Variants in CAST observed in about 807,000 individuals in gnomAD.
CAST encodes MIR583 host.
CAST carries 76 observed loss-of-function variants against 119.6 expected under a neutral mutation model. The observed-to-expected ratio is 0.64, with a 90% confidence interval of 0.53 to 0.77. CAST has a LOEUF of 0.77. Ranked by LOEUF, CAST falls within the 30% of genes least tolerant of loss-of-function variation. CAST has a pLI of 0.00. For missense variants in CAST, 953 were observed against 946.5 expected (o/e 1.01, Z -0.09); for synonymous variants, 319 against 331.6 (o/e 0.96, Z 0.41).
the CAST span, among the ~76,000 whole-genome samples, chr5:96,487,531 T>C: frequency 4.6e-5 from 7 of 152,210 alleles, no homozygotes; most frequent in African/African-American, 1.7e-4. Context: ...AGTGAGTTGG[T>C]CCATGAGACA....
chr5:96,254,369 A>G, the CAST span, among the ~76,000 whole-genome samples: 26 of 152,160 alleles, frequency 1.7e-4, no homozygotes, highest in Middle Eastern at 3.2e-3. Flanking sequence ...TAAAGGTCTT[A>G]ATCTAAAGAC....
At chr5:96,561,803 T>TGTTTTTTTTTTG (rs1358211044) in intron 1 of CAST, among the ~76,000 whole-genome samples, 1 of 104,722 alleles carries the variant, frequency 9.5e-6, no homozygotes, top group Non-Finnish European at 2.0e-5. Context: ...TTTGTTTTTT[T>TGTTTTTTTTTTG]TTTTTTTGAG....
chr5:96,401,086 CAAAAAAAAAAAAAAA>C, the CAST span, among the ~76,000 whole-genome samples: 1 of 70,546 alleles, frequency 1.4e-5, no homozygotes, highest in African/African-American at 5.9e-5. Context: ...GACTCCGTCT[CAAAAAAAAAAAAAAA>C]AAAAAAAAAA....
At position 96,773,266 on chromosome 5, in the gene CAST, A is replaced by C. The variant is rs1195605154; in HGVS notation, c.*650A>C. The C allele has an allele frequency of 6.5e-6, 1 of 153,482 alleles. No individual in the cohort carries two copies. The highest frequency in any genetic ancestry group is 1.5e-5 in the Non-Finnish European group (1 of 68,028). 9.5% of individuals were successfully genotyped at this position (153,482 alleles called of 1,614,324 possible). A position where few individuals can be genotyped will look rare whatever the true frequency, so the allele number is the denominator to read the frequency against. On this transcript the variant is annotated 3_prime_UTR_variant, in exon 32 of 32. Transcript: ENST00000675179. ...TTTTCAGTTTGAACTCTTCTTTGCC[A>C]GGTGTGAGGACTTCTGCATCTTACA...
chr5:96,730,641 A>C lies in CAST; in HGVS notation c.550-139A>C. ...TGGTGCTTAGCACTGCACCATGTAC[A>C]ATAGAAGTGAGCAAACATTCCCTTA... On this transcript the variant is annotated intron_variant, in intron 8 of 31. Coordinates refer to ENST00000675179, the MANE Select transcript of CAST (RefSeq NM_001750.7). 4.4e-6 allele frequency: 3 copies of C among 675,182 alleles called. No individual in the cohort carries two copies. The South Asian group carries it at 5.2e-5, about 12-fold the overall frequency. The allele number at this position is 675,182 out of a possible 1,614,324, so 41.8% of individuals were successfully genotyped here. A position where few individuals can be genotyped will look rare whatever the true frequency, so the allele number is the denominator to read the frequency against.
At chr5:96,517,113 T>A in the CAST span, among the ~76,000 whole-genome samples, 1 of 152,202 alleles carries the variant, frequency 6.6e-6, no homozygotes, top group Non-Finnish European at 1.5e-5. Flanking sequence ...ATCTTCTGAT[T>A]ACTAACTCAG....
At chr5:96,156,068 C>A in the CAST span, among the ~76,000 whole-genome samples, 13 of 152,198 alleles carry the variant, frequency 8.5e-5, no homozygotes, top group African/African-American at 2.9e-4. Context: ...TATTTTATAT[C>A]GTATTGAACG....
the CAST span, among the ~76,000 whole-genome samples, chr5:96,471,570 A>G: frequency 6.6e-6 from 1 of 152,106 alleles, no homozygotes; most frequent in East Asian, 1.9e-4. Context: ...GCTGCACTAC[A>G]TTTGTTGCCA....
At chr5:96,421,085 G>A in the CAST span, among the ~76,000 whole-genome samples, 1 of 152,204 alleles carries the variant, frequency 6.6e-6, no homozygotes, top group African/African-American at 2.4e-5. Flanking sequence ...TCTCCCATGG[G>A]CATGGACACT....
chr5:96,010,392 A>G, the CAST span, among the ~76,000 whole-genome samples: 24 of 152,048 alleles, frequency 1.6e-4, no homozygotes, highest in African/African-American at 5.3e-4. Context: ...GCTCACTGCA[A>G]TCTCTGCCTC....
the CAST span, among the ~76,000 whole-genome samples, chr5:96,262,223 A>G: frequency 6.6e-6 from 1 of 152,260 alleles, no homozygotes; most frequent in South Asian, 2.1e-4. Context: ...GTGAAAAGAG[A>G]ACGTGTGGTG....
the CAST span, among the ~76,000 whole-genome samples, chr5:95,976,375 G>T: frequency 6.6e-6 from 1 of 152,016 alleles, no homozygotes; most frequent in Non-Finnish European, 1.5e-5. Context: ...AGATTTTGCT[G>T]ATTTGGTGTT....
At chr5:96,528,989 C>T (rs6882366), upstream of CAST, among the ~76,000 whole-genome samples, 59,737 of 152,070 alleles carry the variant, frequency 0.39, 12,036 homozygotes, top group East Asian at 0.57. Flanking sequence ...CTGGTGACTA[C>T]GACTCCTCCT....
At chr5:96,272,273 G>C in the CAST span, among the ~76,000 whole-genome samples, 1 of 152,114 alleles carries the variant, frequency 6.6e-6, no homozygotes, top group Non-Finnish European at 1.5e-5. Context: ...TGTATCAAAA[G>C]TAAGGAAATC....
chr5:96,513,866 C>T, the CAST span, among the ~76,000 whole-genome samples: 3 of 152,188 alleles, frequency 2.0e-5, no homozygotes, highest in African/African-American at 7.2e-5. Flanking sequence ...AAGATGTCTG[C>T]AGGACCATGC....
the CAST span, among the ~76,000 whole-genome samples, chr5:96,406,461 C>A: frequency 2.9e-4 from 44 of 152,278 alleles, no homozygotes; most frequent in East Asian, 8.1e-3. Flanking sequence ...GAATTTACTT[C>A]TTCCCTTACC....
At chr5:96,296,519 A>C in the CAST span, among the ~76,000 whole-genome samples, 1 of 152,212 alleles carries the variant, frequency 6.6e-6, no homozygotes, top group East Asian at 1.9e-4. Flanking sequence ...CTGTTGAAGC[A>C]TCCTTTTGTG....
At chr5:96,372,491 G>A in the CAST span, among the ~76,000 whole-genome samples, 2 of 152,094 alleles carry the variant, frequency 1.3e-5, no homozygotes, top group African/African-American at 4.8e-5. Flanking sequence ...TTGGCCCAGG[G>A]AAAGAGCTGA....
chr5:96,289,535 C>G, the CAST span, among the ~76,000 whole-genome samples: 1 of 152,164 alleles, frequency 6.6e-6, no homozygotes, highest in Non-Finnish European at 1.5e-5. Context: ...CTCATTCTCT[C>G]TCTTCCCTGC....
Sources: allele counts gnomAD v4.1 joint callset (sites outside exome capture counted in the v4.1 genomes callset), GRCh38; gene constraint gnomAD v4.1.1; transcripts MANE v1.5; gene names NCBI Gene and HGNC (gene_info 2026-07-23, HGNC 2026-07-21).